The following PCDHGA6 variants were observed in gnomAD, a reference collection of about 807,000 sequenced individuals.
The protein encoded by PCDHGA6 is protocadherin gamma-A6.
A neutral mutation model predicts 60.6 loss-of-function variants in PCDHGA6; 41 were observed. That is an observed-to-expected ratio of 0.68 (90% CI 0.53 to 0.88). The LOEUF (loss-of-function observed/expected upper bound fraction) is 0.88. Ranked by LOEUF, PCDHGA6 falls within the 40% of genes least tolerant of loss-of-function variation. The probability of loss-of-function intolerance (pLI) is 0.00; values close to 1 mark genes in which losing one functional copy is unlikely to be tolerated. For missense variants in PCDHGA6, 1,312 were observed against 1,203.0 expected (o/e 1.09, Z -1.34); for synonymous variants, 594 against 524.4 (o/e 1.13, Z -1.81).
At chr5:141,416,011 G>A (rs2095982763) in intron 1 of PCDHGA6, 2 of 239,912 alleles carry the variant, frequency 8.3e-6, no homozygotes, top group Non-Finnish European at 7.8e-6. Flanking sequence ...GGTAAGAATA[G>A]GTAAGTATCA....
At chr5:141,482,888 A>G (rs1012212528) in intron 1 of PCDHGA6, among the ~76,000 whole-genome samples, 3 of 152,208 alleles carry the variant, frequency 2.0e-5, no homozygotes, top group African/African-American at 7.2e-5. Context: ...CCTGGCCAAC[A>G]TGGTGAAACC....
Position 141,431,240 on chromosome 5 carries a change from G to A in PCDHGA6, c.2424+54733G>A, listed in dbSNP as rs1402814836. 6 of 1,614,044 alleles carry A rather than the reference G, an allele frequency of 3.7e-6. No individual in the cohort carries two copies. Among genetic ancestry groups the A allele is most frequent in the Non-Finnish European group, 5.1e-6 (6 of 1,180,056 alleles). On this transcript the variant is annotated intron_variant, in intron 1 of 3. Coordinates refer to ENST00000517434, the MANE Select transcript of PCDHGA6 (RefSeq NM_018919.3). The surrounding 1 kb of genome is among the most constrained non-coding windows in gnomAD (Gnocchi z 4.8). Reference sequence around the variant, plus strand: ...CCCTCTACCCCACGCCTGGGATCCGGATATCGGGAAGAACTCTCTGCAGAG... The same window carrying A: ...CCCTCTACCCCACGCCTGGGATCCGAATATCGGGAAGAACTCTCTGCAGAG...
chr5:141,511,002 C>T lies in PCDHGA6; in HGVS notation c.2628C>T (p.Ser876=), dbSNP rs143630962. 77 of 1,614,140 alleles carry T rather than the reference C, an allele frequency of 4.8e-5. No individual in the cohort carries two copies. Among genetic ancestry groups the T allele is most frequent in the South Asian group, 2.1e-4 (19 of 91,080 alleles). ...GGGGTGCCGGCACCATGGGATTGAG[C>T]GCCCGCTACGGACCCCAGTTCACCC... The part of the protein sequence containing the change: ...LGGGAGTMGL[S]ARYGPQFTLQ... Residue 876 remains serine (S), a synonymous_variant, in exon 4 of 4, where the codon AGC becomes AGT. Coordinates refer to ENST00000517434, the MANE Select transcript of PCDHGA6 (RefSeq NM_018919.3).
chr5:141,375,744 A>G lies in PCDHGA6; in HGVS notation c.1661A>G (p.Asp554Gly), dbSNP rs573966652. The G allele has an allele frequency of 9.3e-6, 15 of 1,614,188 alleles. No individual in the cohort carries two copies. The South Asian group carries it at 1.6e-4, about 18-fold the overall frequency. ...GTGTCACTGAGCCTGTTTGTGCTGGACCAGAATGACAATGCGCCCGAGATC... is the reference window on the plus strand; with the variant it reads ...GTGTCACTGAGCCTGTTTGTGCTGGGCCAGAATGACAATGCGCCCGAGATC... ...SNVSLSLFVL[D>G]QNDNAPEILY... The change falls in exon 1 of 4, where the codon GAC (aspartate) becomes GGC (glycine). Residue 554 changes from aspartate (D) to glycine (G), a missense_variant. Transcript: ENST00000517434.
intron 1 of PCDHGA6, chr5:141,384,038 G>C (rs1779701578): frequency 6.2e-7 from 1 of 1,613,110 alleles, no homozygotes; most frequent in East Asian, 2.2e-5. Flanking sequence ...GGAAAGAATG[G>C]TGAGGTGACC....
chr5:141,478,839 T>G, intron 1 of PCDHGA6: 6 of 1,423,322 alleles, frequency 4.2e-6, no homozygotes, highest in Non-Finnish European at 5.5e-6. Flanking sequence ...AAGGGATGGT[T>G]AAGCTAAAAC....
chr5:141,405,758 G>A (rs533667979), intron 1 of PCDHGA6, among the ~76,000 whole-genome samples: 8 of 152,246 alleles, frequency 5.3e-5, no homozygotes, highest in South Asian at 2.1e-4. Context: ...GATTACAGGC[G>A]TGAGCCACTG....
rs138031063 is a variant in PCDHGA6 at position 141,447,985 on chromosome 5, C to T, written c.2425-46822C>T. Among the ~76,000 whole-genome samples the T allele has an allele frequency of 3.9e-3, 591 of 152,010 alleles. 6 individuals are homozygous for T. The highest frequency in any genetic ancestry group is 0.011 in the Admixed American group (170 of 15,260). On this transcript the variant is annotated intron_variant, in intron 1 of 3. Transcript: ENST00000517434. ...CCTATAATCCCAGCTACTCGGGAGG[C>T]TGAGGCATGAGAATCGCTTGAACCC...
intron 1 of PCDHGA6, among the ~76,000 whole-genome samples, chr5:141,475,035 G>T (rs983190948): frequency 2.0e-5 from 3 of 152,132 alleles, no homozygotes. Context: ...GTGACTAAAG[G>T]CTTTGTATTT....
At chr5:141,437,887 G>A (rs1289693561) in intron 1 of PCDHGA6, among the ~76,000 whole-genome samples, 12 of 151,946 alleles carry the variant, frequency 7.9e-5, no homozygotes, top group Admixed American at 3.3e-4. Flanking sequence ...ACAGGCACAC[G>A]CCACCACACC....
rs1561728654 is a variant in PCDHGA6, at chr5:141,410,479, G to C, written c.2424+33972G>C. 3.7e-6 allele frequency: 6 copies of C among 1,613,838 alleles called. No homozygotes were observed. In the African/African-American group the frequency reaches 8.0e-5, roughly 22 times the overall value. ...CTTATAATCTGTGCATTGCACATAC[G>C]GGTACAAAAGAGTTTAATTTCCTAA... On this transcript the variant is annotated intron_variant, in intron 1 of 3. Coordinates refer to ENST00000517434, the MANE Select transcript of PCDHGA6 (RefSeq NM_018919.3).
chr5:141,490,910 A>G lies in PCDHGA6; in HGVS notation c.2425-3897A>G. The G allele has an allele frequency of 1.2e-6, 2 of 1,613,652 alleles. No individual in the cohort carries two copies. Among genetic ancestry groups the G allele is most frequent in the African/African-American group, 1.3e-5 (1 of 75,048 alleles). ...TCTCTGCATGTGTTTGTCCTAGACG[A>G]GAATGATAATGCCCCAGCTGTGCTG... On this transcript the variant is annotated intron_variant, in intron 1 of 3. Transcript: ENST00000517434. This position sits in a 1 kb window ranked among gnomAD's most constrained non-coding sequence, Gnocchi z 5.4.
In PCDHGA6 at chr5:141,432,357, T is replaced by C. The variant is rs778669079; in HGVS notation, c.2424+55850T>C. 6.2e-7 allele frequency: 1 copy of C among 1,614,244 alleles called. No homozygotes were observed. Among genetic ancestry groups the C allele is most frequent in the African/African-American group, 1.3e-5 (1 of 75,072 alleles). The stretch of plus-strand genomic sequence containing the variant: ...TTCCGAGACTTGCAAGTGAAAGTGA[T>C]GGCGCGGGACAACGGGCACCCGCCC... On this transcript the variant is annotated intron_variant, in intron 1 of 3. Coordinates refer to ENST00000517434, the MANE Select transcript of PCDHGA6 (RefSeq NM_018919.3). This position sits in a 1 kb window ranked among gnomAD's most constrained non-coding sequence, Gnocchi z 6.0.
intron 1 of PCDHGA6, chr5:141,417,942 C>T (rs1324501154): frequency 2.5e-6 from 4 of 1,613,090 alleles, no homozygotes; most frequent in South Asian, 1.1e-5. Context: ...TTCTACCCCA[C>T]GCTGTGTGAG....
intron 1 of PCDHGA6, chr5:141,415,362 G>A (rs769596449): frequency 4.3e-6 from 7 of 1,614,126 alleles, no homozygotes; most frequent in African/African-American, 1.3e-5. Context: ...CACGCCTGCT[G>A]CAGGCTTCAG....
intron 2 of PCDHGA6, among the ~76,000 whole-genome samples, chr5:141,498,338 G>T (rs2237079): frequency 2.6e-5 from 4 of 151,600 alleles, no homozygotes; most frequent in Non-Finnish European, 5.9e-5. Flanking sequence ...CATTCCAAAT[G>T]GGAAAAGCCT....
Position 141,476,702 on chromosome 5 carries a change from C to CTGG in PCDHGA6, c.2425-18102_2425-18100dup, listed in dbSNP as rs1562056101. On this transcript the variant is annotated intron_variant, in intron 1 of 3. Coordinates refer to ENST00000517434, the MANE Select transcript of PCDHGA6 (RefSeq NM_018919.3). This position sits in a 1 kb window ranked among gnomAD's most constrained non-coding sequence, Gnocchi z 7.6. ...GGAGGACAGCACCAAGTACGCGGAG[C>CTGG]TGGTGTTGGAGCGCGCCCTGGACCG... 5 of 1,614,222 alleles carry CTGG rather than the reference C, an allele frequency of 3.1e-6. No homozygotes were observed. The highest frequency in any genetic ancestry group is 4.2e-6 in the Non-Finnish European group (5 of 1,180,042).
At chr5:141,410,492 T>C in intron 1 of PCDHGA6, 2 of 1,613,912 alleles carry the variant, frequency 1.2e-6, no homozygotes, top group Non-Finnish European at 1.7e-6. Flanking sequence ...TACAAAAGAG[T>C]TTAATTTCCT....
At position 141,393,626 on chromosome 5, in the gene PCDHGA6, G is replaced by C. The variant is rs2092811511; in HGVS notation, c.2424+17119G>C. ...CTGTAACAGCCAGCGACCCGGATGA[G>C]GGAATCAACGGAAAAGTGGCATACA... On this transcript the variant is annotated intron_variant, in intron 1 of 3. Coordinates refer to ENST00000517434, the MANE Select transcript of PCDHGA6 (RefSeq NM_018919.3). 10 of 1,613,922 alleles carry C rather than the reference G, an allele frequency of 6.2e-6. No individual in the cohort carries two copies. The highest frequency in any genetic ancestry group is 8.5e-6 in the Non-Finnish European group (10 of 1,179,904).
Sources: gnomAD v4.1 joint callset for allele counts (sites outside exome capture counted in the v4.1 genomes callset) on GRCh38, gnomAD v4.1.1 for gene constraint, Gnocchi (gnomAD v3.1) non-coding constraint, MANE v1.5 for transcripts, NCBI Gene and HGNC (gene_info 2026-07-23, HGNC 2026-07-21) for gene names.